Variants in NALF2 observed in about 807,000 individuals in gnomAD.
NALF2 encodes bB57D9.1 (TED protein).
In NALF2, 1 loss-of-function variant was observed where a neutral mutation model predicts 24.8. That is an observed-to-expected ratio of 0.04 (90% confidence interval 0.01 to 0.19). The LOEUF (loss-of-function observed/expected upper bound fraction) is 0.19. NALF2 is among the 10% of genes least tolerant of loss of function. The pLI, the probability that NALF2 is intolerant of heterozygous loss-of-function variation, is 1.00. For missense variants in NALF2, 458 were observed against 409.6 expected, an observed-to-expected ratio of 1.12 and a Z score of -1.02; for synonymous variants, 254 against 189.8, an observed-to-expected ratio of 1.34 and a Z score of -2.78.
At position 69,505,238 on chromosome X, in the gene NALF2, G is replaced by A. The variant is rs770540050; in HGVS notation, c.-45G>A. 3.6e-6 allele frequency: 4 copies of A among 1,102,002 alleles called. No individual in the cohort carries two copies. Among genetic ancestry groups the A allele is most frequent in the Non-Finnish European group, 4.7e-6 (4 of 843,425 alleles). 90.8% of individuals were successfully genotyped at this position (1,102,002 alleles called of 1,213,427 possible). On this transcript the variant is annotated 5_prime_UTR_variant, in exon 1 of 3. Transcript: ENST00000252338. Reference sequence around the variant, plus strand: ...GCCCGCCCGCCCCAGACGGCCGTCTGGCCTCGCGCCTGCCTGTTCCCTCCA... The same window carrying A: ...GCCCGCCCGCCCCAGACGGCCGTCTAGCCTCGCGCCTGCCTGTTCCCTCCA...
intron 1 of NALF2, among the ~76,000 whole-genome samples, chrX:69,524,571 C>T (rs781686726): frequency 4.5e-5 from 5 of 111,264 alleles, no homozygotes; most frequent in Admixed American, 3.8e-4. Flanking sequence ...TCTCCTAAGC[C>T]GGGCCCTCCT....
chrX:69,530,634 AGAG>A lies in NALF2; in HGVS notation c.*682_*684del, dbSNP rs1356381790. On this transcript the variant is annotated 3_prime_UTR_variant, in exon 3 of 3. Coordinates refer to ENST00000252338, the MANE Select transcript of NALF2 (RefSeq NM_015686.3). The stretch of plus-strand genomic sequence containing the variant: ...AAGAGAGTGGAGATACGGAAGGGGG[AGAG>A]GAGAGGAGAAATGTGGACAGAGGGC... The A allele has an allele frequency of 8.9e-6, 1 of 112,359 alleles. No individual in the cohort carries two copies. The highest frequency in any genetic ancestry group is 3.2e-5 in the African/African-American group (1 of 30,779). 9.3% of individuals were successfully genotyped at this position (112,359 alleles called of 1,213,427 possible).
intron 2 of NALF2, 99 bp downstream of exon 2, chrX:69,529,263 G>A: frequency 2.1e-6 from 2 of 940,795 alleles, no homozygotes; most frequent in Non-Finnish European, 2.9e-6. Context: ...GGGGAGTCAG[G>A]TGAGAAGAAG....
At position 69,529,147 on chromosome X, in the gene NALF2, C is replaced by T; in HGVS notation, c.1016C>T (p.Pro339Leu). Residue 339 changes from proline (P) to leucine (L), a missense_variant, in exon 2 of 3, where the codon CCT becomes CTT. Transcript: ENST00000252338. ...GAGGAAATGGTGTACGGAGGGCTCC[C>T]TGGCTTTATCTGTACAGGTAAAGGC... ...DNEEMVYGGLPGFICTGLLDT... is the reference protein window; with the variant it reads ...DNEEMVYGGLLGFICTGLLDT... 1 of 1,208,807 alleles carries T rather than the reference C, an allele frequency of 8.3e-7. No homozygotes were observed. Among genetic ancestry groups the T allele is most frequent in the African/African-American group, 1.7e-5 (1 of 57,697 alleles).
At chrX:69,513,959 G>A (rs999489547) in intron 1 of NALF2, among the ~76,000 whole-genome samples, 1 of 111,102 alleles carries the variant, frequency 9.0e-6, no homozygotes, top group African/African-American at 3.3e-5. Flanking sequence ...TTTGGAGGTC[G>A]AGCTGAGCAG....
At chrX:69,527,189 C>G (rs1470853741) in intron 1 of NALF2, among the ~76,000 whole-genome samples, 2 of 111,855 alleles carry the variant, frequency 1.8e-5, no homozygotes, top group African/African-American at 3.3e-5. Flanking sequence ...TCATGGCACT[C>G]ACTGAAATGG....
At chrX:69,512,704 G>A (rs1210865340) in intron 1 of NALF2, among the ~76,000 whole-genome samples, 1 of 111,957 alleles carries the variant, frequency 8.9e-6, no homozygotes, top group Non-Finnish European at 1.9e-5. Flanking sequence ...GGCTCAGTGA[G>A]GTGAAATGAC....
At chrX:69,507,852 TC>T (rs1347685458) in intron 1 of NALF2, among the ~76,000 whole-genome samples, 1 of 111,419 alleles carries the variant, frequency 9.0e-6, no homozygotes, top group Non-Finnish European at 1.9e-5. Context: ...TTTGTTTTTT[TC>T]CTCAATCACC....
intron 1 of NALF2, among the ~76,000 whole-genome samples, chrX:69,507,735 C>T (rs1264842239): frequency 1.8e-5 from 2 of 111,572 alleles, no homozygotes; most frequent in Non-Finnish European, 3.8e-5. Context: ...CGGACACATA[C>T]ACTCAGTGGG....
intron 1 of NALF2, among the ~76,000 whole-genome samples, chrX:69,525,226 T>C (rs1930789285): frequency 8.9e-6 from 1 of 111,809 alleles, no homozygotes; most frequent in Non-Finnish European, 1.9e-5. Context: ...ACCTAGGAGC[T>C]GGAACACTGA....
intron 1 of NALF2, among the ~76,000 whole-genome samples, chrX:69,507,794 T>C (rs1930516487): frequency 9.0e-6 from 1 of 111,451 alleles, no homozygotes; most frequent in African/African-American, 3.3e-5. Context: ...ATGTCTGTTT[T>C]TTGTGGCCCT....
At chrX:69,509,281 C>T (rs1930545248) in intron 1 of NALF2, among the ~76,000 whole-genome samples, 1 of 110,031 alleles carries the variant, frequency 9.1e-6, no homozygotes, top group Non-Finnish European at 1.9e-5. Flanking sequence ...ACCCCACTCT[C>T]TTGGCCATAG....
chrX:69,512,570 C>T (rs756642300), intron 1 of NALF2, among the ~76,000 whole-genome samples: 3 of 111,597 alleles, frequency 2.7e-5, no homozygotes, highest in East Asian at 5.6e-4. Flanking sequence ...AAGAAAATTG[C>T]GAGTCTTTGA....
chrX:69,510,662 T>G (rs1930568475), intron 1 of NALF2, among the ~76,000 whole-genome samples: 1 of 111,523 alleles, frequency 9.0e-6, no homozygotes. Flanking sequence ...ATAAACAGCC[T>G]CCCGGGAGCC....
At position 69,505,455 on chromosome X, in the gene NALF2, C is replaced by G. The variant is rs1013847553; in HGVS notation, c.173C>G (p.Ala58Gly). 24 of 1,132,833 alleles carry G rather than the reference C, an allele frequency of 2.1e-5. No homozygotes were observed. The highest frequency in any genetic ancestry group is 1.4e-4 in the Admixed American group (5 of 35,651). The allele number at this position is 1,132,833 out of a possible 1,213,427, so 93.4% of individuals were successfully genotyped here. ...ASLLFFTVLL[A>G]DHLWLCAGAR... ...CTGCTCTTCTTCACCGTGCTGCTCG[C>G]TGACCATCTGTGGCTGTGCGCGGGG... The change falls in exon 1 of 3, where the codon GCT becomes GGT. Residue 58 changes from alanine (A) to glycine (G), a missense_variant. By Grantham distance (60) the Ala-to-Gly change is moderately conservative. Transcript: ENST00000252338.
intron 1 of NALF2, among the ~76,000 whole-genome samples, chrX:69,506,648 A>G (rs776573110): frequency 8.8e-6 from 1 of 113,093 alleles, no homozygotes; most frequent in Admixed American, 9.2e-5. Flanking sequence ...GTGGTGGGGC[A>G]CACCACACAC....
At chrX:69,529,493 C>T in intron 2 of NALF2, 78 bp from the exon 3 acceptor site, 1 of 1,132,381 alleles carries the variant, frequency 8.8e-7, no homozygotes, top group Non-Finnish European at 1.2e-6. Flanking sequence ...AGCCCCAGCT[C>T]TGGAAACTTG....
intron 1 of NALF2, among the ~76,000 whole-genome samples, chrX:69,509,795 G>A (rs1023472352): frequency 6.2e-5 from 7 of 112,132 alleles, no homozygotes; most frequent in African/African-American, 2.3e-4. Context: ...GAAAAAGCAT[G>A]ACCTGCGTGG....
chrX:69,523,321 T>C (rs778085101), intron 1 of NALF2, among the ~76,000 whole-genome samples: 134 of 112,200 alleles, frequency 1.2e-3, no homozygotes, highest in African/African-American at 4.2e-3. Context: ...GTCCTGGCTT[T>C]GGGATGTAAA....
Sources: gnomAD v4.1 joint callset for allele counts (sites outside exome capture counted in the v4.1 genomes callset) on GRCh38, gnomAD v4.1.1 for gene constraint, MANE v1.5 for transcripts, NCBI Gene and HGNC (gene_info 2026-07-23, HGNC 2026-07-21) for gene names.